Variants in EFCAB6 observed in about 807,000 individuals in gnomAD.
EFCAB6 encodes the protein EF-hand calcium-binding domain-containing protein 6.
EFCAB6 carries 156 observed loss-of-function variants against 169.8 expected under a neutral mutation model. The observed-to-expected ratio is 0.92, with a 90% CI of 0.81 to 1.05. EFCAB6 has a LOEUF of 1.05. Ranked by LOEUF, EFCAB6 falls within the 50% of genes least tolerant of loss-of-function variation. The probability of loss-of-function intolerance (pLI) is 0.00; values close to 1 mark genes in which losing one functional copy is unlikely to be tolerated. For synonymous variants in EFCAB6, 698 were observed against 676.4 expected (o/e 1.03, Z -0.50); for missense variants, 1,800 against 1,829.1 (o/e 0.98, Z 0.29).
intron 3 of EFCAB6, among the ~76,000 whole-genome samples, chr22:43,776,569 G>A (rs1215539952): frequency 7.2e-5 from 11 of 152,180 alleles, no homozygotes; most frequent in African/African-American, 7.2e-5. Context: ...GCTGAAACCC[G>A]GAAGGATAAA....
chr22:43,553,609 T>TGG (rs2048514736), intron 27 of EFCAB6: 1 of 152,344 alleles, frequency 6.6e-6, no homozygotes, highest in Admixed American at 6.5e-5. Context: ...CAAAGCAACC[T>TGG]GGGGCACTGC....
intron 22 of EFCAB6, among the ~76,000 whole-genome samples, chr22:43,604,558 C>T (rs2052771517): frequency 6.6e-6 from 1 of 152,198 alleles, no homozygotes; most frequent in African/African-American, 2.4e-5. Context: ...ATCTTGTTCA[C>T]TCAACCTTTT....
At chr22:43,682,627 A>C (rs137791) in intron 12 of EFCAB6, among the ~76,000 whole-genome samples, 36,380 of 151,968 alleles carry the variant, frequency 0.24, 4,526 homozygotes, top group Middle Eastern at 0.27. Context: ...TGGCCTCCAA[A>C]ACCACTATCT....
intron 23 of EFCAB6, among the ~76,000 whole-genome samples, chr22:43,592,027 A>G (rs1306907999): frequency 6.6e-6 from 1 of 152,214 alleles, no homozygotes; most frequent in East Asian, 1.9e-4. Flanking sequence ...ATAATGTGCT[A>G]TAAATCCTAG....
chr22:43,672,533 G>A (rs1196437425), intron 13 of EFCAB6, among the ~76,000 whole-genome samples: 1 of 152,176 alleles, frequency 6.6e-6, no homozygotes, highest in Non-Finnish European at 1.5e-5. Context: ...CATGTCTTTT[G>A]CAGGGACATA....
intron 26 of EFCAB6, among the ~76,000 whole-genome samples, chr22:43,560,764 A>G (rs1316232204): frequency 6.6e-6 from 1 of 152,220 alleles, no homozygotes; most frequent in African/African-American, 2.4e-5. Context: ...AAGTCACAGA[A>G]CCAACAGAGT....
chr22:43,604,943 G>A (rs1191471372), intron 22 of EFCAB6, among the ~76,000 whole-genome samples: 1 of 152,138 alleles, frequency 6.6e-6, no homozygotes, highest in African/African-American at 2.4e-5. Flanking sequence ...GCCCTTTGGT[G>A]AGTTTTCAGA....
At chr22:43,741,317 A>G (rs1490236683) in intron 6 of EFCAB6, among the ~76,000 whole-genome samples, 1 of 151,608 alleles carries the variant, frequency 6.6e-6, no homozygotes, top group Non-Finnish European at 1.5e-5. Flanking sequence ...AGATGGTCTG[A>G]CCCCTGCTTT....
At chr22:43,640,481 G>C (rs955338429) in intron 17 of EFCAB6, among the ~76,000 whole-genome samples, 1 of 152,172 alleles carries the variant, frequency 6.6e-6, no homozygotes, top group Non-Finnish European at 1.5e-5. Flanking sequence ...GTCAGCCAGA[G>C]ATTGAGGAAG....
In EFCAB6 at chr22:43,565,183, A is replaced by C. The variant is rs140305615; in HGVS notation, c.3421-10087T>G. On this transcript the variant is annotated intron_variant, in intron 26 of 31. Transcript: ENST00000262726. ...ATTGGGCAAGCCCTCTTGCACCTAC[A>C]CCATTGCCTTAGAAGACAGGCTCTG... 6.4e-4 allele frequency among the ~76,000 whole-genome samples: 97 copies of C among 152,356 alleles called. 1 individual carries two copies. The highest frequency in any genetic ancestry group is 2.3e-3 in the African/African-American group (95 of 41,586).
At chr22:43,593,735 G>A (rs749762810) in intron 23 of EFCAB6, among the ~76,000 whole-genome samples, 8 of 152,058 alleles carry the variant, frequency 5.3e-5, no homozygotes, top group Non-Finnish European at 1.0e-4. Flanking sequence ...ATTCATTCAG[G>A]TGCTATAGGA....
chr22:43,792,955 G>A (rs2148123656), intron 2 of EFCAB6, among the ~76,000 whole-genome samples: 1 of 152,332 alleles, frequency 6.6e-6, no homozygotes, highest in East Asian at 1.9e-4. Flanking sequence ...AACATCCACT[G>A]TTACTGCATT....
chr22:43,605,442 A>T (rs938687150), intron 22 of EFCAB6, among the ~76,000 whole-genome samples: 4 of 152,188 alleles, frequency 2.6e-5, no homozygotes, highest in Non-Finnish European at 5.9e-5. Flanking sequence ...CAAGAGATCA[A>T]GACCATCCTG....
At chr22:43,569,452 C>T (rs1422683209) in intron 26 of EFCAB6, among the ~76,000 whole-genome samples, 1 of 152,212 alleles carries the variant, frequency 6.6e-6, no homozygotes, top group Admixed American at 6.5e-5. Context: ...GAAGCAGACA[C>T]CACCCATGCC....
intron 17 of EFCAB6, among the ~76,000 whole-genome samples, chr22:43,665,392 C>G (rs1428579232): frequency 6.6e-6 from 1 of 152,208 alleles, no homozygotes; most frequent in African/African-American, 2.4e-5. Flanking sequence ...GCCTTACCAA[C>G]ATCTACTGCC....
At position 43,687,493 on chromosome 22, in the gene EFCAB6, C is replaced by CT. The variant is rs768697598; in HGVS notation, c.1119dup (p.Gly374ArgfsTer8). On this transcript the variant is annotated frameshift_variant, in exon 11 of 32. Transcript: ENST00000262726. LOFTEE classifies it high-confidence loss of function. Reference sequence around the variant, plus strand: ...TACCTATTTCTTTTTGTCAGGGGACCTTTACTGCTAACTTGCAACCCCTGA... The same window carrying CT: ...TACCTATTTCTTTTTGTCAGGGGACCTTTTACTGCTAACTTGCAACCCCTGA... 1 of 1,551,912 alleles carries CT rather than the reference C, an allele frequency of 6.4e-7. No individual in the cohort carries two copies. Among genetic ancestry groups the CT allele is most frequent in the East Asian group, 2.4e-5 (1 of 42,510 alleles).
chr22:43,534,959 T>C (rs978322262), intron 29 of EFCAB6, 87 bp from the exon 30 acceptor site: 8 of 1,387,528 alleles, frequency 5.8e-6, no homozygotes, highest in African/African-American at 1.4e-5. Context: ...CTGAGACACC[T>C]TCTCTGCTTC....
chr22:43,755,860 A>G (rs2060940789), intron 5 of EFCAB6, 28 bp from the exon 6 acceptor site: 1 of 1,550,528 alleles, frequency 6.4e-7, no homozygotes, highest in Non-Finnish European at 8.7e-7. Flanking sequence ...AATCTTTATT[A>G]AAACATTTTA....
intron 6 of EFCAB6, among the ~76,000 whole-genome samples, chr22:43,754,351 A>G (rs1191512879): frequency 6.6e-6 from 1 of 152,160 alleles, no homozygotes; most frequent in Non-Finnish European, 1.5e-5. Context: ...CCAGGATGGA[A>G]ACCCAGGTCT....
Sources: gnomAD v4.1 joint callset for allele counts (sites outside exome capture counted in the v4.1 genomes callset) on GRCh38, gnomAD v4.1.1 for gene constraint, MANE v1.5 for transcripts, NCBI Gene and HGNC (gene_info 2026-07-23, HGNC 2026-07-21) for gene names.